Variants in SBF2 observed in about 807,000 individuals in gnomAD.
SBF2 encodes the protein SET binding factor 2, also known as myotubularin-related protein 13.
SBF2 carries 112 observed loss-of-function variants against 225.2 expected under a neutral mutation model. The ratio of observed to expected loss-of-function variants is 0.50; its 90% CI spans 0.43 to 0.58. SBF2 has a LOEUF of 0.58. SBF2 is among the 20% of genes least tolerant of loss of function. The pLI is 0.00. For synonymous variants in SBF2, 763 were observed against 773.3 expected (o/e 0.99, Z 0.22); for missense variants, 1,996 against 2,206.2 (o/e 0.90, Z 1.91).
chr11:10,179,274 G>A (rs1336684528), intron 2 of SBF2, among the ~76,000 whole-genome samples: 2 of 151,372 alleles, frequency 1.3e-5, no homozygotes, highest in Admixed American at 1.3e-4. Flanking sequence ...CAGCACACCA[G>A]CATGGCACAT....
At chr11:10,287,554 A>G (rs1250367043) in intron 1 of SBF2, among the ~76,000 whole-genome samples, 1 of 152,020 alleles carries the variant, frequency 6.6e-6, no homozygotes, top group Non-Finnish European at 1.5e-5. Context: ...GCCATTATAG[A>G]TATGAGCCAC....
At chr11:9,900,849 GCCTC>G (rs1464016153) in intron 16 of SBF2, among the ~76,000 whole-genome samples, 25 of 152,072 alleles carry the variant, frequency 1.6e-4, no homozygotes, top group Non-Finnish European at 2.9e-5. Flanking sequence ...CGATCCTCCT[GCCTC>G]AGCCTTCCAA....
chr11:9,944,884 A>G lies in SBF2; in HGVS notation c.1860+17073T>C, dbSNP rs750265415. 3.3e-5 allele frequency among the ~76,000 whole-genome samples: 5 copies of G among 152,230 alleles called. No individual in the cohort carries two copies. The Middle Eastern group carries it at 0.014, about 414-fold the overall frequency. Reference sequence around the variant, plus strand: ...ATTTTGGGAGGCTGATGCAGGAGGAATGCTTGAGGCCAAGAGTTTGAGACC... The same window carrying G: ...ATTTTGGGAGGCTGATGCAGGAGGAGTGCTTGAGGCCAAGAGTTTGAGACC... On this transcript the variant is annotated intron_variant, in intron 16 of 39. Transcript: ENST00000256190.
chr11:10,124,779 A>AT (rs1362930420), intron 2 of SBF2, among the ~76,000 whole-genome samples: 3 of 152,072 alleles, frequency 2.0e-5, no homozygotes, highest in African/African-American at 7.2e-5. Context: ...AAAACAAAAA[A>AT]ATATATATAC....
chr11:10,039,876 T>C (rs7938647), intron 3 of SBF2, among the ~76,000 whole-genome samples: 30,604 of 151,620 alleles, frequency 0.2, 3,975 homozygotes, highest in Non-Finnish European at 0.3. Flanking sequence ...TGGTCAAATA[T>C]GGGATAATTT....
At chr11:10,044,621 G>T in intron 2 of SBF2, 1 of 172,362 alleles carries the variant, frequency 5.8e-6, no homozygotes, top group East Asian at 1.8e-4. Flanking sequence ...TGCCAGAGGT[G>T]GTGAATTCCT....
chr11:10,239,662 A>T lies in SBF2; in HGVS notation c.56-45675T>A, dbSNP rs146343200. Among the ~76,000 whole-genome samples the T allele has an allele frequency of 8.5e-4, 121 of 141,946 alleles. 1 individual carries two copies. The highest frequency in any genetic ancestry group is 2.9e-3 in the African/African-American group (118 of 40,378). 93.1% of individuals were successfully genotyped at this position (141,946 alleles called of 152,430 possible). Reference sequence around the variant, plus strand: ...CTAATTACATTTTGAAAAACTGCACATAAAATAAAAATACCAACTAATGAT... The same window carrying T: ...CTAATTACATTTTGAAAAACTGCACTTAAAATAAAAATACCAACTAATGAT... On this transcript the variant is annotated intron_variant, in intron 1 of 39. Transcript: ENST00000256190.
intron 1 of SBF2, among the ~76,000 whole-genome samples, chr11:10,263,905 G>A (rs1286806735): frequency 6.6e-6 from 1 of 152,056 alleles, no homozygotes; most frequent in Non-Finnish European, 1.5e-5. Context: ...CATTATCTGA[G>A]GAAAATTATC....
chr11:10,051,466 C>G (rs554530909), intron 2 of SBF2, among the ~76,000 whole-genome samples: 3 of 152,134 alleles, frequency 2.0e-5, no homozygotes, highest in South Asian at 4.2e-4. Context: ...CAATAGACTT[C>G]TTCAAAACTC....
intron 17 of SBF2, among the ~76,000 whole-genome samples, chr11:9,881,194 C>T (rs1240871011): frequency 6.6e-6 from 1 of 152,024 alleles, no homozygotes; most frequent in Non-Finnish European, 1.5e-5. Flanking sequence ...TTAAATGAAC[C>T]GAATGAGTGA....
Position 9,968,585 on chromosome 11 carries a change from A to G in SBF2, c.1396-40T>C, listed in dbSNP as rs750050972. ...ATAGGTAAAATTACTCCAAGTTAAAATAACAATGGCAGATCACCAGGAAGG... is the reference window on the plus strand; with the variant it reads ...ATAGGTAAAATTACTCCAAGTTAAAGTAACAATGGCAGATCACCAGGAAGG... On this transcript the variant is annotated intron_variant, in intron 13 of 39. Transcript: ENST00000256190. 74 of 1,516,968 alleles carry G rather than the reference A, an allele frequency of 4.9e-5. No homozygotes were observed. The South Asian group carries it at 8.1e-4, about 17-fold the overall frequency. The allele number at this position is 1,516,968 out of a possible 1,614,324, so 94.0% of individuals were successfully genotyped here. A position where few individuals can be genotyped will look rare whatever the true frequency, so the allele number is the denominator to read the frequency against.
intron 1 of SBF2, among the ~76,000 whole-genome samples, chr11:10,262,679 A>C (rs1338265680): frequency 6.6e-6 from 1 of 152,236 alleles, no homozygotes; most frequent in Non-Finnish European, 1.5e-5. Context: ...TCAGTCAACT[A>C]AAATGTAAAT....
chr11:10,218,594 C>T (rs1216135782), intron 1 of SBF2, among the ~76,000 whole-genome samples: 2 of 152,130 alleles, frequency 1.3e-5, no homozygotes, highest in African/African-American at 2.4e-5. Flanking sequence ...GTTCCACCTA[C>T]GAGCCTGTAA....
chr11:10,002,525 G>A (rs764799541), intron 7 of SBF2, 32 bp downstream of exon 7: 1 of 1,538,826 alleles, frequency 6.5e-7, no homozygotes, highest in South Asian at 1.1e-5. Context: ...TGTAGTTTAG[G>A]AATAAATAAA....
chr11:10,286,164 A>ATG (rs1565436887), intron 1 of SBF2, among the ~76,000 whole-genome samples: 1 of 111,650 alleles, frequency 9.0e-6, no homozygotes, highest in Non-Finnish European at 2.1e-5. Context: ...AAACACGCAC[A>ATG]CGCACACACA....
chr11:9,808,596 G>A, intron 31 of SBF2: 1 of 410,202 alleles, frequency 2.4e-6, no homozygotes, highest in South Asian at 2.2e-5. Context: ...GCCAGGGGAT[G>A]GACTGACAAA....
intron 33 of SBF2, among the ~76,000 whole-genome samples, 189 bp downstream of exon 33, chr11:9,795,642 C>G (rs1442100632): frequency 2.6e-5 from 4 of 152,160 alleles, no homozygotes; most frequent in African/African-American, 9.7e-5. Context: ...ATAGGAATGA[C>G]CACCTGCTAA....
chr11:9,829,747 G>C (rs572520816), intron 27 of SBF2: 61 of 448,984 alleles, frequency 1.4e-4, no homozygotes, highest in African/African-American at 1.2e-3. Flanking sequence ...AAAGAGCCCA[G>C]GTCTGGAAAA....
intron 1 of SBF2, among the ~76,000 whole-genome samples, chr11:10,249,696 G>A (rs1420081917): frequency 2.0e-5 from 3 of 149,970 alleles, no homozygotes; most frequent in African/African-American, 7.4e-5. Context: ...TCTAACTTTG[G>A]AATGCTATGG....
Sources: gnomAD v4.1 joint callset for allele counts (sites outside exome capture counted in the v4.1 genomes callset) on GRCh38, gnomAD v4.1.1 for gene constraint, MANE v1.5 for transcripts, NCBI Gene and HGNC (gene_info 2026-07-23, HGNC 2026-07-21) for gene names.